The following FAM209A variants were observed in gnomAD, a reference collection of about 807,000 sequenced individuals.
The protein encoded by FAM209A is protein FAM209A.
A neutral mutation model predicts 9.8 loss-of-function variants in FAM209A; 4 were observed. The ratio of observed to expected loss-of-function variants is 0.41; its 90% CI spans 0.20 to 0.94. FAM209A has a LOEUF of 0.94. Among genes scored for constraint, FAM209A ranks in the 40% least tolerant of loss-of-function variants. FAM209A has a pLI of 0.32. For missense variants in FAM209A, 205 were observed against 209.4 expected (o/e 0.98, Z 0.13); for synonymous variants, 55 against 77.8 (o/e 0.71, Z 1.54).
rs781581775 is a variant in FAM209A at position 56,524,861 on chromosome 20, A to G, written c.53A>G (p.Tyr18Cys). The change falls in exon 1 of 2, where the codon TAT (tyrosine) becomes TGT (cysteine). Residue 18 changes from tyrosine to cysteine, a missense_variant. Tyr to Cys is a radical substitution (Grantham distance 194, BLOSUM62 -2). Coordinates refer to ENST00000371328, the MANE Select transcript of FAM209A (RefSeq NM_001012971.4). The stretch of plus-strand genomic sequence containing the variant: ...CTGCTTCTGTGCCTCACCTGCAGCT[A>G]TGCCTTTATGTTCTCTTCTCTGAGA... ...LVLLLCLTCS[Y>C]AFMFSSLRQK... 2 of 1,614,172 alleles carry G rather than the reference A, an allele frequency of 1.2e-6. No homozygotes were observed. Among genetic ancestry groups the G allele is most frequent in the Non-Finnish European group, 1.7e-6 (2 of 1,180,018 alleles).
chr20:56,526,528 C>G (rs1463517170), downstream of FAM209A, among the ~76,000 whole-genome samples: 2 of 151,968 alleles, frequency 1.3e-5, no homozygotes. Flanking sequence ...GGGGTGTATT[C>G]TAGAGTTATC....
the FAM209A span, among the ~76,000 whole-genome samples, chr20:56,532,527 A>T: frequency 1.2e-3 from 148 of 127,182 alleles, no homozygotes; most frequent in African/African-American, 4.3e-3. Context: ...CTCTGTTGCC[A>T]GGCTGGAGTG....
chr20:56,532,137 G>A, the FAM209A span, among the ~76,000 whole-genome samples: 1 of 151,572 alleles, frequency 6.6e-6, no homozygotes, highest in Admixed American at 6.6e-5. Flanking sequence ...ACCATGCCTG[G>A]CTAATTTGTG....
At chr20:56,530,032 G>A (rs1025036694), downstream of FAM209A, among the ~76,000 whole-genome samples, 3 of 151,626 alleles carry the variant, frequency 2.0e-5, no homozygotes, top group Non-Finnish European at 2.9e-5. Flanking sequence ...AAACAACAAC[G>A]ACAACAAAAA....
intron 1 of FAM209A, 115 bp downstream of exon 1, chr20:56,525,172 G>T: frequency 1.4e-6 from 2 of 1,433,896 alleles, no homozygotes; most frequent in Non-Finnish European, 1.9e-6. Context: ...CCGACCTCAT[G>T]GTCCTGGGCA....
At chr20:56,525,651 C>A (rs1368880282) in intron 1 of FAM209A, 153 bp from the exon 2 acceptor site, 6 of 773,466 alleles carry the variant, frequency 7.8e-6, no homozygotes, top group Non-Finnish European at 1.3e-5. Flanking sequence ...TCGGCAAACC[C>A]TTCCCGTAAA....
chr20:56,525,935 G>T lies in FAM209A; in HGVS notation c.381G>T (p.Val127=). Residue 127 remains valine, a synonymous_variant, in exon 2 of 2, where the codon GTG becomes GTT. Transcript: ENST00000371328. ...MELEVELMKF[V]SKVRNLKRAM... The stretch of plus-strand genomic sequence containing the variant: ...TCGAGGTGGAGCTTATGAAATTTGT[G>T]TCCAAAGTGCGGAATCTTAAACGTG... 1 of 1,614,212 alleles carries T rather than the reference G, an allele frequency of 6.2e-7. No homozygotes were observed. Among genetic ancestry groups the T allele is most frequent in the Non-Finnish European group, 8.5e-7 (1 of 1,180,040 alleles).
At position 56,526,023 on chromosome 20, in the gene FAM209A, T is replaced by C. The variant is rs1939441660; in HGVS notation, c.469T>C (p.Tyr157His). 1.2e-6 allele frequency: 2 copies of C among 1,613,640 alleles called. No individual in the cohort carries two copies. The highest frequency in any genetic ancestry group is 2.2e-5 in the South Asian group (2 of 90,972). Residue 157 changes from tyrosine to histidine, a missense_variant, in exon 2 of 2, where the codon TAC becomes CAC. Tyr to His is a moderately conservative substitution (Grantham distance 83, BLOSUM62 2). Coordinates refer to ENST00000371328, the MANE Select transcript of FAM209A (RefSeq NM_001012971.4). Reference sequence around the variant, plus strand: ...AAAGTCAGAGATGCCTGCAGATCCATACCATGTCACGATCTGTGAAATATG... The same window carrying C: ...AAAGTCAGAGATGCCTGCAGATCCACACCATGTCACGATCTGTGAAATATG... ...LRKSEMPADP[Y>H]HVTICEIWGE... is the part of the protein sequence containing the mutation.
chr20:56,527,130 T>C (rs889327654), downstream of FAM209A, among the ~76,000 whole-genome samples: 7 of 152,222 alleles, frequency 4.6e-5, no homozygotes, highest in Non-Finnish European at 2.9e-5. Flanking sequence ...ACAGTGTTTA[T>C]TGATTGGAAT....
At chr20:56,532,907 T>G in the FAM209A span, among the ~76,000 whole-genome samples, 1 of 152,164 alleles carries the variant, frequency 6.6e-6, no homozygotes, top group East Asian at 1.9e-4. Flanking sequence ...AACACATAGG[T>G]GGCTCCGAGT....
downstream of FAM209A, among the ~76,000 whole-genome samples, chr20:56,527,010 T>C (rs1985556340): frequency 6.6e-6 from 1 of 152,246 alleles, no homozygotes; most frequent in Non-Finnish European, 1.5e-5. Context: ...TGACATGTTC[T>C]TTATCCTACT....
At chr20:56,528,592 C>T (rs1985637636), downstream of FAM209A, among the ~76,000 whole-genome samples, 2 of 151,916 alleles carry the variant, frequency 1.3e-5, no homozygotes, top group Non-Finnish European at 2.9e-5. Flanking sequence ...CAGAGCCAGA[C>T]CTTGTGTCCA....
At chr20:56,528,494 AGGAGGTTGAGGTG>A (rs1302528998), downstream of FAM209A, among the ~76,000 whole-genome samples, 1 of 149,998 alleles carries the variant, frequency 6.7e-6, no homozygotes, top group African/African-American at 2.5e-5. Flanking sequence ...CCAGCTACTC[AGGAGGTTGAGGTG>A]GGAGGATCCC....
At chr20:56,528,917 C>T (rs986867017), downstream of FAM209A, among the ~76,000 whole-genome samples, 5 of 152,196 alleles carry the variant, frequency 3.3e-5, no homozygotes, top group South Asian at 4.2e-4. Context: ...GCCATTAAAA[C>T]CCAAAAGAAG....
downstream of FAM209A, among the ~76,000 whole-genome samples, chr20:56,526,354 G>A (rs1985530815): frequency 6.6e-6 from 1 of 152,114 alleles, no homozygotes; most frequent in Admixed American, 6.6e-5. Flanking sequence ...GGTGGACGAT[G>A]GAGCTAGGGA....
At chr20:56,525,637 G>A (rs1985493780) in intron 1 of FAM209A, 167 bp from the exon 2 acceptor site, 1 of 706,440 alleles carries the variant, frequency 1.4e-6, no homozygotes, top group Non-Finnish European at 2.4e-6. Context: ...GATGAGAGCA[G>A]GGATCGGCAA....
the FAM209A span, among the ~76,000 whole-genome samples, chr20:56,532,474 C>CT: frequency 7.6e-6 from 1 of 130,904 alleles, no homozygotes; most frequent in African/African-American, 2.9e-5. Context: ...CTTTCTTTTT[C>CT]TTTTTCTTTT....
chr20:56,524,761 G>A lies in FAM209A; in HGVS notation c.-48G>A. ...AGGTGCCCAGTCTCCCAGTTGCGAG[G>A]GCAAGCAAACCCGTCATGAGCAACT... On this transcript the variant is annotated 5_prime_UTR_variant, in exon 1 of 2. Transcript: ENST00000371328. 6.2e-7 allele frequency: 1 copy of A among 1,605,426 alleles called. No homozygotes were observed. Among genetic ancestry groups the A allele is most frequent in the Non-Finnish European group, 8.5e-7 (1 of 1,174,376 alleles).
chr20:56,527,592 A>T (rs774677020), downstream of FAM209A, among the ~76,000 whole-genome samples: 397 of 152,292 alleles, frequency 2.6e-3, 7 homozygotes, highest in Non-Finnish European at 1.1e-3. Context: ...CAGTGCTGTC[A>T]CCCTCACAAG....
Sources: gnomAD v4.1 joint callset for allele counts (sites outside exome capture counted in the v4.1 genomes callset) on GRCh38, gnomAD v4.1.1 for gene constraint, MANE v1.5 for transcripts, NCBI Gene and HGNC (gene_info 2026-07-23, HGNC 2026-07-21) for gene names.